MLF1: variants seen among roughly 807,000 people sequenced by gnomAD.
MLF1 encodes myeloid leukemia factor 1.
A neutral mutation model predicts 38.3 loss-of-function variants in MLF1; 37 were observed. The ratio of observed to expected loss-of-function variants is 0.96; its 90% confidence interval spans 0.74 to 1.27. The LOEUF is 1.27. Among genes scored for constraint, MLF1 ranks in the 50% most tolerant of loss-of-function variants. The pLI, the probability that MLF1 is intolerant of heterozygous loss-of-function variation, is 0.00. For missense variants in MLF1, 331 were observed against 349.2 expected, an observed-to-expected ratio of 0.95 and a Z score of 0.42; for synonymous variants, 95 against 106.5, an observed-to-expected ratio of 0.89 and a Z score of 0.66.
At chr3:158,572,223 G>A (rs1714541634) in intron 1 of MLF1, among the ~76,000 whole-genome samples, 1 of 121,218 alleles carries the variant, frequency 8.2e-6, no homozygotes, top group Admixed American at 8.2e-5. Flanking sequence ...TGAGGTGAGG[G>A]GAAGGAGGGT....
At chr3:158,589,493 A>T (rs1036383727) in intron 1 of MLF1, among the ~76,000 whole-genome samples, 4 of 152,144 alleles carry the variant, frequency 2.6e-5, no homozygotes, top group African/African-American at 9.7e-5. Flanking sequence ...TACAGGCATG[A>T]GCCACCGCGC....
intron 1 of MLF1, among the ~76,000 whole-genome samples, chr3:158,576,742 G>A (rs903699521): frequency 2.7e-5 from 4 of 146,206 alleles, no homozygotes; most frequent in African/African-American, 7.6e-5. Context: ...GTGTGATCTC[G>A]CCTCACTGCA....
In MLF1 at chr3:158,587,201, A is replaced by AT. The variant is rs79009053; in HGVS notation, c.48-5227dup. 1.4e-3 allele frequency among the ~76,000 whole-genome samples: 218 copies of AT among 152,314 alleles called. 1 individual carries two copies. The East Asian group carries it at 0.039, about 27-fold the overall frequency. On this transcript the variant is annotated intron_variant, in intron 1 of 7. Coordinates refer to ENST00000466246, the MANE Select transcript of MLF1 (RefSeq NM_001369783.1). Reference sequence around the variant, plus strand: ...GTAATTTTAATAAGTACCTCTAGTGATTTTTTAAGGATGTTCAAGTTGAAG... The same window carrying AT: ...GTAATTTTAATAAGTACCTCTAGTGATTTTTTTAAGGATGTTCAAGTTGAAG...
intron 7 of MLF1, 99 bp from the exon 8 acceptor site, chr3:158,604,998 C>A: frequency 1.1e-6 from 1 of 907,860 alleles, no homozygotes; most frequent in Non-Finnish European, 1.6e-6. Context: ...TAAGATAAAA[C>A]TTTTCTTATA....
rs749152283 is a variant in MLF1, at chr3:158,602,971, T to G, written c.746+32T>G. On this transcript the variant is annotated intron_variant, in intron 7 of 7. Coordinates refer to ENST00000466246, the MANE Select transcript of MLF1 (RefSeq NM_001369783.1). ...GTTGTTTCTAAAATAGTTTGGTTTT[T>G]TAAGAAGAATTTGAAGTAAAGTTAT... The G allele has an allele frequency of 8.9e-6, 14 of 1,580,408 alleles. 1 individual carries two copies. Among genetic ancestry groups the G allele is most frequent in the Non-Finnish European group, 1.2e-5 (14 of 1,162,988 alleles).
chr3:158,595,844 T>C (rs1718799864), intron 3 of MLF1, among the ~76,000 whole-genome samples: 1 of 152,162 alleles, frequency 6.6e-6, no homozygotes, highest in Admixed American at 6.6e-5. Context: ...AGAAGTTCAT[T>C]AAACCAAGCA....
intron 1 of MLF1, among the ~76,000 whole-genome samples, chr3:158,579,105 A>G (rs564841919): frequency 6.6e-6 from 1 of 152,288 alleles, no homozygotes; most frequent in African/African-American, 2.4e-5. Flanking sequence ...CTTTGTGTAC[A>G]TGAAATGACT....
intron 1 of MLF1, chr3:158,573,238 TC>T (rs1714828020): frequency 6.6e-6 from 1 of 151,518 alleles, no homozygotes; most frequent in Admixed American, 6.6e-5. Context: ...TGCTTTCTCT[TC>T]GAAGTTGTTG....
At position 158,571,209 on chromosome 3, in the gene MLF1, C is replaced by T. The variant is rs1006239476; in HGVS notation, c.-92C>T. ...GCGCCGCGGCGAGTGAGGCGTCGTC[C>T]GTACTGGAGGCTAGCTCTTGTCGCG... On this transcript the variant is annotated 5_prime_UTR_variant, in exon 1 of 8. Transcript: ENST00000466246. 1.8e-5 allele frequency: 18 copies of T among 1,010,106 alleles called. No homozygotes were observed. Among genetic ancestry groups the T allele is most frequent in the South Asian group, 7.2e-5 (5 of 69,922 alleles). 62.6% of individuals were successfully genotyped at this position (1,010,106 alleles called of 1,614,324 possible).
intron 6 of MLF1, among the ~76,000 whole-genome samples, chr3:158,601,433 T>A (rs1719729083): frequency 1.3e-5 from 2 of 151,996 alleles, no homozygotes; most frequent in African/African-American, 2.4e-5. Context: ...CCGGGCATGG[T>A]GGTGCACGTG....
At chr3:158,574,175 TAATG>T (rs1400633094) in intron 1 of MLF1, among the ~76,000 whole-genome samples, 2 of 152,086 alleles carry the variant, frequency 1.3e-5, no homozygotes, top group Non-Finnish European at 2.9e-5. Context: ...AATAAAAAGA[TAATG>T]AACAGTGGGA....
At chr3:158,602,620 G>A (rs1331626249) in intron 6 of MLF1, among the ~76,000 whole-genome samples, 187 bp from the exon 7 acceptor site, 1 of 152,180 alleles carries the variant, frequency 6.6e-6, no homozygotes, top group Non-Finnish European at 1.5e-5. Context: ...GTAGGAATAG[G>A]AGAGGAACAG....
Position 158,598,070 on chromosome 3 carries a change from T to A in MLF1, c.325-10T>A. The A allele has an allele frequency of 6.2e-7, 1 of 1,610,112 alleles. No individual in the cohort carries two copies. The highest frequency in any genetic ancestry group is 8.5e-7 in the Non-Finnish European group (1 of 1,178,900). On this transcript the variant is annotated splice_polypyrimidine_tract_variant and intron_variant, in intron 4 of 7. Coordinates refer to ENST00000466246, the MANE Select transcript of MLF1 (RefSeq NM_001369783.1). The stretch of plus-strand genomic sequence containing the variant: ...TGACTCGACTGAATTTACAATTTGT[T>A]TACCTGTAGGGTCAACTTTCAGTGG...
chr3:158,571,540 G>A (rs971283256), intron 1 of MLF1, 193 bp downstream of exon 1: 16 of 677,730 alleles, frequency 2.4e-5, no homozygotes, highest in African/African-American at 3.7e-5. Context: ...GTGAGACAGG[G>A]AAGAGACGGA....
chr3:158,598,322 A>C, intron 5 of MLF1, 114 bp downstream of exon 5: 17 of 444,946 alleles, frequency 3.8e-5, no homozygotes, highest in East Asian at 6.4e-5. Flanking sequence ...GGGGGACAGG[A>C]GGGAGGTGTG....
At chr3:158,598,935 C>T (rs1333593590) in intron 5 of MLF1, among the ~76,000 whole-genome samples, 1 of 152,108 alleles carries the variant, frequency 6.6e-6, no homozygotes, top group Non-Finnish European at 1.5e-5. Context: ...TTGCATATGT[C>T]CTCTGCAACT....
intron 1 of MLF1, among the ~76,000 whole-genome samples, chr3:158,584,264 A>G (rs74466134): frequency 1.4e-3 from 207 of 152,358 alleles, no homozygotes; most frequent in African/African-American, 4.5e-3. Flanking sequence ...CTAAGGCTTA[A>G]CCACGTATGC....
chr3:158,597,278 C>T (rs909873302), intron 4 of MLF1, among the ~76,000 whole-genome samples: 1 of 151,636 alleles, frequency 6.6e-6, no homozygotes, highest in African/African-American at 2.4e-5. Context: ...AAAAAAATAA[C>T]CTCAAAAACA....
rs558297027 is a variant in MLF1 at position 158,583,423 on chromosome 3, A to G, written c.48-9011A>G. On this transcript the variant is annotated intron_variant, in intron 1 of 7. Transcript: ENST00000466246. ...AACTGTGAGACAGTAAATGTTGTTT[A>G]AAAAAGAAATAAAGGGAAAGAAAGA... Among the ~76,000 whole-genome samples, 93 of 152,334 alleles carry G rather than the reference A, an allele frequency of 6.1e-4. No individual in the cohort carries two copies. In the South Asian group the frequency reaches 8.1e-3, roughly 13 times the overall value.
Sources: allele counts gnomAD v4.1 joint callset (sites outside exome capture counted in the v4.1 genomes callset), GRCh38; gene constraint gnomAD v4.1.1; transcripts MANE v1.5; gene names NCBI Gene and HGNC (gene_info 2026-07-23, HGNC 2026-07-21).